The following DDHD1 variants were observed in gnomAD, a reference collection of about 807,000 sequenced individuals.
DDHD1 encodes the protein DDHD domain containing 1.
DDHD1 carries 49 observed loss-of-function variants against 96.4 expected under a neutral mutation model. The observed-to-expected ratio is 0.51, with a 90% confidence interval of 0.40 to 0.64. The LOEUF is 0.64. Ranked by LOEUF, DDHD1 falls within the 30% of genes least tolerant of loss-of-function variation. The pLI is 0.00. For missense variants in DDHD1, 1,106 were observed against 1,161.2 expected, an observed-to-expected ratio of 0.95 and a Z score of 0.69; for synonymous variants, 442 against 446.5, an observed-to-expected ratio of 0.99 and a Z score of 0.13.
At chr14:53,052,946 C>T (rs775762128) in intron 11 of DDHD1, 34 of 149,590 alleles carry the variant, frequency 2.3e-4, no homozygotes, top group Non-Finnish European at 3.6e-4. Flanking sequence ...CTGGGGGTTT[C>T]TCTATTATTT....
rs1392420293 is a variant in DDHD1, at chr14:53,054,594, A to C, written c.2281T>G (p.Leu761Val). ...ASIGKGLGGMLFSRFGRSSTT... is the reference protein window; with the variant it reads ...ASIGKGLGGMVFSRFGRSSTT... The stretch of plus-strand genomic sequence containing the variant: ...GATGAACGTCCAAATCTTGAGAACA[A>C]CATTCCTCCAAGTCCCTTTCCAATG... Residue 761 changes from leucine to valine, a missense_variant, in exon 11 of 13, where the codon TTG becomes GTG. Coordinates refer to ENST00000673822, the MANE Select transcript of DDHD1 (RefSeq NM_001160148.2). 2 of 1,614,046 alleles carry C rather than the reference A, an allele frequency of 1.2e-6. No individual in the cohort carries two copies. Among genetic ancestry groups the C allele is most frequent in the Non-Finnish European group, 8.5e-7 (1 of 1,179,946 alleles).
At chr14:53,054,931 A>C (rs1162718491) in intron 10 of DDHD1, among the ~76,000 whole-genome samples, 1 of 152,240 alleles carries the variant, frequency 6.6e-6, no homozygotes, top group Non-Finnish European at 1.5e-5. Flanking sequence ...AAAGTCTTTG[A>C]TAAAAGAACC....
rs1881645970 is a variant in DDHD1 at position 53,041,492 on chromosome 14, T to C, written c.*5276A>G. 1 of 152,208 alleles carries C rather than the reference T, an allele frequency of 6.6e-6. No homozygotes were observed. Among genetic ancestry groups the C allele is most frequent in the Admixed American group, 6.5e-5 (1 of 15,274 alleles). 9.4% of individuals were successfully genotyped at this position (152,208 alleles called of 1,614,324 possible). ...AATTTTAAATTTCTGAGTTAACCTA[T>C]GTTGGAACAGTTTTGGAGGTGACCT... On this transcript the variant is annotated 3_prime_UTR_variant, in exon 13 of 13. Coordinates refer to ENST00000673822, the MANE Select transcript of DDHD1 (RefSeq NM_001160148.2).
At chr14:53,136,095 T>C (rs1285002946) in intron 1 of DDHD1, among the ~76,000 whole-genome samples, 1 of 152,194 alleles carries the variant, frequency 6.6e-6, no homozygotes, top group African/African-American at 2.4e-5. Context: ...AAGAAGGTTC[T>C]TTGTAATCTC....
In DDHD1 at chr14:53,120,436, T is replaced by C. The variant is rs143889345; in HGVS notation, c.839-16580A>G. ...CTACCATTGACTTTCTTTGCAGAAT[T>C]AGAAAAAAATACTTTAAATTTTATA... is the stretch of plus-strand genomic sequence containing the variant. On this transcript the variant is annotated intron_variant, in intron 1 of 12. Transcript: ENST00000673822. Among the ~76,000 whole-genome samples, 147 of 152,250 alleles carry C rather than the reference T, an allele frequency of 9.7e-4. 1 individual carries two copies. Among genetic ancestry groups the C allele is most frequent in the African/African-American group, 3.0e-3 (125 of 41,550 alleles).
chr14:53,084,133 T>C (rs1885725511), intron 4 of DDHD1, among the ~76,000 whole-genome samples: 1 of 152,178 alleles, frequency 6.6e-6, no homozygotes, highest in Non-Finnish European at 1.5e-5. Context: ...ATGCACAGAC[T>C]AGCTGGGACT....
Position 53,093,331 on chromosome 14 carries a change from G to A in DDHD1, c.1126C>T (p.Leu376=), listed in dbSNP as rs1292558659. 6.2e-7 allele frequency: 1 copy of A among 1,609,402 alleles called. No individual in the cohort carries two copies. Among genetic ancestry groups the A allele is most frequent in the Admixed American group, 1.7e-5 (1 of 59,104 alleles). Reference sequence around the variant, plus strand: ...TAACAATTACCTTTAGAAAATCCCAGTTTTTGGGTAACTGTTCTTGCAATT... The same window carrying A: ...TAACAATTACCTTTAGAAAATCCCAATTTTTGGGTAACTGTTCTTGCAATT... The part of the protein sequence containing the change: ...SKIARTVTQK[L]GFSKASSSGT... Residue 376 remains leucine (L), a synonymous_variant, in exon 3 of 13, where the codon CTG becomes TTG. Transcript: ENST00000673822.
intron 1 of DDHD1, among the ~76,000 whole-genome samples, chr14:53,110,079 T>C (rs1887995349): frequency 6.6e-6 from 1 of 152,192 alleles, no homozygotes; most frequent in Non-Finnish European, 1.5e-5. Flanking sequence ...TGACAGTATT[T>C]AGGTGGCTAC....
chr14:53,145,700 T>C (rs1303984592), intron 1 of DDHD1, among the ~76,000 whole-genome samples: 1 of 152,062 alleles, frequency 6.6e-6, no homozygotes. Context: ...AGCTTAACTC[T>C]CCATTATTTG....
chr14:53,099,290 C>A (rs1887122081), intron 2 of DDHD1, among the ~76,000 whole-genome samples: 1 of 152,156 alleles, frequency 6.6e-6, no homozygotes, highest in African/African-American at 2.4e-5. Context: ...AACAGTGGTA[C>A]AATACTATCA....
intron 4 of DDHD1, among the ~76,000 whole-genome samples, chr14:53,079,630 T>C (rs1294696468): frequency 2.6e-5 from 4 of 152,248 alleles, no homozygotes; most frequent in African/African-American, 7.2e-5. Context: ...TTATTTTTCA[T>C]TTTAGTAATT....
intron 4 of DDHD1, among the ~76,000 whole-genome samples, chr14:53,080,359 C>CA (rs538188639): frequency 2.0e-5 from 3 of 150,712 alleles, no homozygotes; most frequent in South Asian, 2.1e-4. Context: ...AAACTCTCTC[C>CA]AAAAAACAAA....
chr14:53,089,826 G>T (rs1230043938), intron 4 of DDHD1, among the ~76,000 whole-genome samples: 2 of 152,136 alleles, frequency 1.3e-5, no homozygotes, highest in Admixed American at 6.5e-5. Flanking sequence ...AAGACTTCAT[G>T]TCTAAAACAC....
intron 2 of DDHD1, among the ~76,000 whole-genome samples, chr14:53,100,321 T>TA (rs924093635): frequency 5.4e-5 from 8 of 149,506 alleles, no homozygotes; most frequent in East Asian, 3.9e-4. Context: ...ACAAAAAATT[T>TA]AAAAAAAAAA....
In DDHD1 at chr14:53,041,361, T is replaced by C. The variant is rs978725148; in HGVS notation, c.*5407A>G. On this transcript the variant is annotated 3_prime_UTR_variant, in exon 13 of 13. Transcript: ENST00000673822. ...AAAGTTCACCCTAACAATCTGCCAA[T>C]GGACTATTTTTGGGGAATGCACATA... 1.3e-5 allele frequency: 2 copies of C among 152,116 alleles called. No homozygotes were observed. The highest frequency in any genetic ancestry group is 2.4e-5 in the African/African-American group (1 of 41,428). 9.4% of individuals were successfully genotyped at this position (152,116 alleles called of 1,614,324 possible).
chr14:53,109,508 T>G (rs1887950341), intron 1 of DDHD1, among the ~76,000 whole-genome samples: 1 of 152,142 alleles, frequency 6.6e-6, no homozygotes, highest in Non-Finnish European at 1.5e-5. Flanking sequence ...TGTATAAAGG[T>G]AATTAAAAAT....
chr14:53,137,861 T>C lies in DDHD1; in HGVS notation c.838+14400A>G, dbSNP rs1028725954. On this transcript the variant is annotated intron_variant, in intron 1 of 12. Coordinates refer to ENST00000673822, the MANE Select transcript of DDHD1 (RefSeq NM_001160148.2). Reference sequence around the variant, plus strand: ...CACAGGAAGACACATCATAATCAAATTGCTGCAAGTCATCAATAAAGTCAG... The same window carrying C: ...CACAGGAAGACACATCATAATCAAACTGCTGCAAGTCATCAATAAAGTCAG... 7.2e-5 allele frequency among the ~76,000 whole-genome samples: 11 copies of C among 152,180 alleles called. No individual in the cohort carries two copies. In the South Asian group the frequency reaches 2.3e-3, roughly 32 times the overall value.
intron 12 of DDHD1, 128 bp from the exon 13 acceptor site, chr14:53,047,077 C>T (rs1882075840): frequency 1.6e-6 from 1 of 642,978 alleles, no homozygotes; most frequent in East Asian, 3.2e-5. Flanking sequence ...TAAGAAGTGA[C>T]TTTCCATTAT....
In DDHD1 at chr14:53,152,362, G is replaced by A. The variant is rs538051138; in HGVS notation, c.737C>T (p.Pro246Leu). The A allele has an allele frequency of 2.7e-5, 43 of 1,613,782 alleles. No homozygotes were observed. In the South Asian group the frequency reaches 4.6e-4, roughly 17 times the overall value. The change falls in exon 1 of 13, where the codon CCG (proline) becomes CTG (leucine). Residue 246 changes from proline to leucine, a missense_variant. Physicochemically the swap from Pro to Leu is moderately conservative, Grantham distance 98. Around this residue, in one of 2 missense-constraint regions of DDHD1, gnomAD observed 456 missense variants for 402.4 expected, o/e 1.13. Coordinates refer to ENST00000673822, the MANE Select transcript of DDHD1 (RefSeq NM_001160148.2). Reference sequence around the variant, plus strand: ...GATGTTCACAAGCTCCACCATCTCCGGCTCGTGCCCCGTCGTACTCTGGCA... The same window carrying A: ...GATGTTCACAAGCTCCACCATCTCCAGCTCGTGCCCCGTCGTACTCTGGCA... ...GFCQSTTGHE[P>L]EMVELVNIEP...
Sources: allele counts gnomAD v4.1 joint callset (sites outside exome capture counted in the v4.1 genomes callset), GRCh38; gene constraint gnomAD v4.1.1; regional missense constraint gnomAD v4.1.1; transcripts MANE v1.5; gene names NCBI Gene and HGNC (gene_info 2026-07-23, HGNC 2026-07-21).